The following DOCK4 variants were observed in gnomAD, a reference collection of about 807,000 sequenced individuals.
DOCK4 encodes the protein dedicator of cytokinesis 4, also known as dedicator of cytokinesis protein 4.
In DOCK4, 97 loss-of-function variants were observed where a neutral mutation model predicts 268.1. The observed-to-expected ratio is 0.36, with a 90% CI of 0.31 to 0.43. The LOEUF (loss-of-function observed/expected upper bound fraction) is 0.43. Among genes scored for constraint, DOCK4 ranks in the 20% least tolerant of loss-of-function variants. The probability of loss-of-function intolerance (pLI) is 1.00; values close to 1 mark genes in which losing one functional copy is unlikely to be tolerated. For synonymous variants in DOCK4, 954 were observed against 887.2 expected (o/e 1.08, Z -1.34); for missense variants, 2,145 against 2,455.7 (o/e 0.87, Z 2.67).
chr7:112,182,189 A>G (rs1819111845), intron 1 of DOCK4, among the ~76,000 whole-genome samples: 1 of 152,164 alleles, frequency 6.6e-6, no homozygotes, highest in South Asian at 2.1e-4. Flanking sequence ...TTGTTGTGAC[A>G]CCTGTAAAGG....
chr7:111,737,002 A>C lies in DOCK4; in HGVS notation c.5233-13T>G, dbSNP rs1365189615. On this transcript the variant is annotated splice_polypyrimidine_tract_variant and intron_variant, in intron 49 of 52. Coordinates refer to ENST00000428084, the MANE Select transcript of DOCK4 (RefSeq NM_001363540.2). The stretch of plus-strand genomic sequence containing the variant: ...TAAACAGCATCCTCTGCAAAGTTAC[A>C]AGGGTTGATTTTTATGATGTGATAT... 6 of 1,598,084 alleles carry C rather than the reference A, an allele frequency of 3.8e-6. No homozygotes were observed. Among genetic ancestry groups the C allele is most frequent in the Non-Finnish European group, 8.5e-7 (1 of 1,171,904 alleles).
intron 1 of DOCK4, among the ~76,000 whole-genome samples, chr7:112,139,208 T>C (rs546732661): frequency 2.0e-5 from 3 of 152,004 alleles, no homozygotes; most frequent in Non-Finnish European, 4.4e-5. Context: ...GCCTCTCAGA[T>C]CTAGGAAACA....
In DOCK4 at chr7:111,728,438, G is replaced by C. The variant is rs376015226; in HGVS notation, c.5764C>G (p.Pro1922Ala). Reference protein sequence around the residue: ...YSVYERTLRRPVPLPHSLSIP... With the variant: ...YSVYERTLRRAVPLPHSLSIP... ...GAGAGGCTGTGAGGTAGCGGGACGG[G>C]GCGCCGCAGAGTCCGCTCGTAGACG... Residue 1922 changes from proline (P) to alanine (A), a missense_variant, in exon 53 of 53, where the codon CCC becomes GCC. Coordinates refer to ENST00000428084, the MANE Select transcript of DOCK4 (RefSeq NM_001363540.2). The C allele has an allele frequency of 6.3e-7, 1 of 1,594,822 alleles. No homozygotes were observed. Among genetic ancestry groups the C allele is most frequent in the Non-Finnish European group, 8.6e-7 (1 of 1,169,284 alleles).
intron 1 of DOCK4, among the ~76,000 whole-genome samples, chr7:112,115,390 C>A (rs1563098849): frequency 6.6e-6 from 1 of 152,194 alleles, no homozygotes; most frequent in Non-Finnish European, 1.5e-5. Context: ...CATTTAGATT[C>A]TTCCAGAACA....
rs543784451 is a variant in DOCK4, at chr7:111,893,243, C to T, written c.1587+2369G>A. Among the ~76,000 whole-genome samples the T allele has an allele frequency of 9.9e-5, 15 of 152,256 alleles. No homozygotes were observed. The East Asian group carries it at 2.7e-3, about 27-fold the overall frequency. On this transcript the variant is annotated intron_variant, in intron 16 of 52. Coordinates refer to ENST00000428084, the MANE Select transcript of DOCK4 (RefSeq NM_001363540.2). ...TGTTCACATGGAGAAGCGAGCTCTGCTACCTGTCCTCTGGCATTTTAAGCA... is the reference window on the plus strand; with the variant it reads ...TGTTCACATGGAGAAGCGAGCTCTGTTACCTGTCCTCTGGCATTTTAAGCA...
At chr7:111,890,631 C>A (rs1808212114) in intron 16 of DOCK4, among the ~76,000 whole-genome samples, 1 of 152,094 alleles carries the variant, frequency 6.6e-6, no homozygotes, top group African/African-American at 2.4e-5. Context: ...TTAGACCCTG[C>A]CTAAAAGGTG....
intron 1 of DOCK4, among the ~76,000 whole-genome samples, chr7:112,117,608 T>G (rs1333744973): frequency 6.6e-6 from 1 of 152,174 alleles, no homozygotes; most frequent in East Asian, 1.9e-4. Flanking sequence ...TGACCTCAGG[T>G]GATCCACCTG....
intron 1 of DOCK4, among the ~76,000 whole-genome samples, chr7:112,018,179 A>ACAC (rs1201145657): frequency 1.8e-4 from 13 of 72,630 alleles, no homozygotes; most frequent in African/African-American, 5.9e-4. Flanking sequence ...AAAAAAAAAA[A>ACAC]ACACAGGCAA....
intron 1 of DOCK4, among the ~76,000 whole-genome samples, chr7:112,033,980 C>A (rs1028543860): frequency 1.3e-5 from 2 of 152,168 alleles, no homozygotes; most frequent in African/African-American, 4.8e-5. Context: ...ATTTTCAATT[C>A]ATGGGCTAAT....
intron 8 of DOCK4, among the ~76,000 whole-genome samples, chr7:111,959,811 A>C (rs1357424587): frequency 6.6e-6 from 1 of 152,142 alleles, no homozygotes; most frequent in Non-Finnish European, 1.5e-5. Context: ...CAGAATTCTC[A>C]ATTTTCTCAT....
intron 27 of DOCK4, chr7:111,820,199 G>A (rs1801869713): frequency 6.6e-6 from 1 of 152,222 alleles, no homozygotes; most frequent in Non-Finnish European, 1.5e-5. Context: ...GAGAGGAGAG[G>A]AAAGAAGAGG....
At chr7:111,990,832 T>C (rs2135227537) in intron 5 of DOCK4, among the ~76,000 whole-genome samples, 1 of 152,304 alleles carries the variant, frequency 6.6e-6, no homozygotes, top group Non-Finnish European at 1.5e-5. Flanking sequence ...CCCAATCACA[T>C]GGCTGTCTGC....
At chr7:112,200,708 C>G (rs1820830459) in intron 1 of DOCK4, among the ~76,000 whole-genome samples, 1 of 123,982 alleles carries the variant, frequency 8.1e-6, no homozygotes, top group South Asian at 2.6e-4. Context: ...TACTAGCTAC[C>G]ATAACAGCCT....
intron 1 of DOCK4, among the ~76,000 whole-genome samples, chr7:112,130,823 T>A (rs1813732192): frequency 6.6e-6 from 1 of 152,252 alleles, no homozygotes; most frequent in Non-Finnish European, 1.5e-5. Flanking sequence ...ACAACTTTGT[T>A]CACTGTGGCA....
chr7:111,766,909 T>C, intron 38 of DOCK4, 123 bp downstream of exon 38: 1 of 690,076 alleles, frequency 1.4e-6, no homozygotes, highest in Non-Finnish European at 2.5e-6. Context: ...CTAAGTATGC[T>C]TCAGAGGATT....
chr7:111,852,698 T>C lies in DOCK4; in HGVS notation c.2474-5572A>G, dbSNP rs1804681129. 3.3e-5 allele frequency among the ~76,000 whole-genome samples: 5 copies of C among 152,210 alleles called. No homozygotes were observed. The South Asian group carries it at 1.0e-3, about 31-fold the overall frequency. ...GTAAGTAAGGTGGACAAATAATTTG[T>C]GTGTGGCATGTATACAAAGAAATAC... On this transcript the variant is annotated intron_variant, in intron 23 of 52. Transcript: ENST00000428084.
chr7:112,103,657 G>A (rs982535183), intron 1 of DOCK4, among the ~76,000 whole-genome samples: 11 of 152,132 alleles, frequency 7.2e-5, no homozygotes, highest in African/African-American at 2.2e-4. Flanking sequence ...CGAAGCAGAC[G>A]AATCACTTGA....
chr7:112,203,819 A>C (rs895394528), intron 1 of DOCK4, among the ~76,000 whole-genome samples: 3 of 114,044 alleles, frequency 2.6e-5, no homozygotes, highest in Admixed American at 9.9e-5. Flanking sequence ...CCTAGCAAAA[A>C]TTTCACTACA....
chr7:112,004,657 C>G (rs1562982350), intron 1 of DOCK4, among the ~76,000 whole-genome samples: 1 of 152,152 alleles, frequency 6.6e-6, no homozygotes, highest in Non-Finnish European at 1.5e-5. Flanking sequence ...CCATTACGTG[C>G]CCAGAGCCTA....
Sources: gnomAD v4.1 joint callset for allele counts (sites outside exome capture counted in the v4.1 genomes callset) on GRCh38, gnomAD v4.1.1 for gene constraint, MANE v1.5 for transcripts, NCBI Gene and HGNC (gene_info 2026-07-23, HGNC 2026-07-21) for gene names.